Variants in PLCXD3 observed in about 807,000 individuals in gnomAD.
The protein encoded by PLCXD3 is PI-PLC X domain-containing protein 3.
Under a neutral mutation model 25.5 loss-of-function variants are expected in PLCXD3, and 19 were observed. The observed-to-expected ratio is 0.75, with a 90% CI of 0.52 to 1.09. The LOEUF (loss-of-function observed/expected upper bound fraction) is 1.09. PLCXD3 is among the 50% of genes least tolerant of loss of function. The pLI, the probability that PLCXD3 is intolerant of heterozygous loss-of-function variation, is 0.00. For synonymous variants in PLCXD3, 174 were observed against 137.6 expected (o/e 1.26, Z -1.85); for missense variants, 411 against 388.1 (o/e 1.06, Z -0.50).
In PLCXD3 at chr5:41,420,779, G is replaced by A. The variant is rs184372; in HGVS notation, c.104-38245C>T. On this transcript the variant is annotated intron_variant, in intron 1 of 2. Coordinates refer to ENST00000377801, the MANE Select transcript of PLCXD3 (RefSeq NM_001005473.3). ...AAATGGCGTTGTGTCAGCATTTTTA[G>A]TCTTTCCTCCAACCCTAACTTTGTC... is the stretch of plus-strand genomic sequence containing the variant. Among the ~76,000 whole-genome samples the A allele has an allele frequency of 2.1e-3, 327 of 152,286 alleles. 1 individual carries two copies. Among genetic ancestry groups the A allele is most frequent in the African/African-American group, 7.5e-3 (310 of 41,556 alleles).
In PLCXD3 at chr5:41,313,591, A is replaced by T. The variant is rs773728087; in HGVS notation, c.*26T>A. The stretch of plus-strand genomic sequence containing the variant: ...TAATACAATGAGCTTTCTCCATCTT[A>T]TTCATGGAAACTCCAAGTAGTGCTA... On this transcript the variant is annotated 3_prime_UTR_variant, in exon 3 of 3. Coordinates refer to ENST00000377801, the MANE Select transcript of PLCXD3 (RefSeq NM_001005473.3). The T allele has an allele frequency of 1.2e-6, 2 of 1,612,888 alleles. No individual in the cohort carries two copies. The highest frequency in any genetic ancestry group is 1.7e-6 in the Non-Finnish European group (2 of 1,179,106).
At chr5:41,479,856 A>G (rs1023148854) in intron 1 of PLCXD3, among the ~76,000 whole-genome samples, 12 of 152,204 alleles carry the variant, frequency 7.9e-5, no homozygotes, top group Non-Finnish European at 2.9e-5. Context: ...TAGGTTCATT[A>G]CATATAAGTA....
At chr5:41,313,807 A>G in intron 2 of PLCXD3, 37 bp from the exon 3 acceptor site, 1 of 1,532,676 alleles carries the variant, frequency 6.5e-7, no homozygotes, top group Non-Finnish European at 8.8e-7. Context: ...CACAGAAGGC[A>G]AGATACTATT....
intron 1 of PLCXD3, among the ~76,000 whole-genome samples, chr5:41,493,860 A>G (rs954971896): frequency 5.3e-5 from 8 of 152,136 alleles, no homozygotes; most frequent in African/African-American, 1.9e-4. Flanking sequence ...TTGACTAGGA[A>G]AGGGAACTCC....
At chr5:41,489,243 T>C (rs1175730554) in intron 1 of PLCXD3, among the ~76,000 whole-genome samples, 2 of 152,222 alleles carry the variant, frequency 1.3e-5, no homozygotes, top group African/African-American at 4.8e-5. Context: ...TAGCTGTAGA[T>C]AAGCGGCATT....
intron 2 of PLCXD3, among the ~76,000 whole-genome samples, chr5:41,375,605 A>G (rs150273727): frequency 1.3e-5 from 2 of 152,222 alleles, no homozygotes; most frequent in South Asian, 2.1e-4. Flanking sequence ...TTCTATGTCA[A>G]TGCTTCCTTA....
At chr5:41,367,320 A>G (rs1290647655) in intron 2 of PLCXD3, among the ~76,000 whole-genome samples, 1 of 152,118 alleles carries the variant, frequency 6.6e-6, no homozygotes, top group East Asian at 1.9e-4. Flanking sequence ...TGACTTTGTA[A>G]TAATCGCCAT....
At chr5:41,398,245 TG>T (rs1419759713) in intron 1 of PLCXD3, among the ~76,000 whole-genome samples, 1 of 152,186 alleles carries the variant, frequency 6.6e-6, no homozygotes, top group Non-Finnish European at 1.5e-5. Context: ...TATTAAATCA[TG>T]GGGATGGATT....
chr5:41,481,872 C>G (rs907562834), intron 1 of PLCXD3, among the ~76,000 whole-genome samples: 1 of 152,166 alleles, frequency 6.6e-6, no homozygotes, highest in African/African-American at 2.4e-5. Context: ...TTAGGTCAGG[C>G]CTTCATCTGA....
At chr5:41,326,822 G>A (rs1461320538) in intron 2 of PLCXD3, among the ~76,000 whole-genome samples, 1 of 151,766 alleles carries the variant, frequency 6.6e-6, no homozygotes, top group African/African-American at 2.4e-5. Context: ...ATATCATATT[G>A]TATTCATTAA....
At chr5:41,488,252 A>G (rs1221410629) in intron 1 of PLCXD3, among the ~76,000 whole-genome samples, 20 of 146,568 alleles carry the variant, frequency 1.4e-4, no homozygotes, top group African/African-American at 3.8e-4. Flanking sequence ...TACAAAGGAC[A>G]TGAACTCATC....
rs184723162 is a variant in PLCXD3, at chr5:41,471,775, T to C, written c.103+38649A>G. Among the ~76,000 whole-genome samples the C allele has an allele frequency of 4.9e-5, 6 of 122,892 alleles. No individual in the cohort carries two copies. In the East Asian group the frequency reaches 1.3e-3, roughly 26 times the overall value. The allele number at this position is 122,892 out of a possible 152,430, so 80.6% of individuals were successfully genotyped here. Reference sequence around the variant, plus strand: ...CAAAAATAATAACTACAACATCTTTTCAAGACCTTCCCTTCCCTTCCCTTC... The same window carrying C: ...CAAAAATAATAACTACAACATCTTTCCAAGACCTTCCCTTCCCTTCCCTTC... On this transcript the variant is annotated intron_variant, in intron 1 of 2. Transcript: ENST00000377801.
chr5:41,353,348 G>A (rs944635356), intron 2 of PLCXD3, among the ~76,000 whole-genome samples: 6 of 151,374 alleles, frequency 4.0e-5, no homozygotes, highest in Non-Finnish European at 5.9e-5. Context: ...TGATCTGCCC[G>A]CCTCGGCCTC....
At chr5:41,352,949 A>G (rs1744511871) in intron 2 of PLCXD3, among the ~76,000 whole-genome samples, 1 of 152,240 alleles carries the variant, frequency 6.6e-6, no homozygotes, top group African/African-American at 2.4e-5. Context: ...GCAAGAAAAT[A>G]TGACGACTTT....
intron 2 of PLCXD3, among the ~76,000 whole-genome samples, chr5:41,341,880 C>A (rs1744162399): frequency 6.6e-6 from 1 of 152,136 alleles, no homozygotes; most frequent in Non-Finnish European, 1.5e-5. Flanking sequence ...AAACAACTCA[C>A]CTGGATTACA....
chr5:41,336,773 G>A (rs1341384404), intron 2 of PLCXD3, among the ~76,000 whole-genome samples: 1 of 152,174 alleles, frequency 6.6e-6, no homozygotes, highest in African/African-American at 2.4e-5. Context: ...ATCCCCCACA[G>A]CTCCTGCAGT....
At chr5:41,489,420 T>G (rs987192112) in intron 1 of PLCXD3, among the ~76,000 whole-genome samples, 1 of 152,124 alleles carries the variant, frequency 6.6e-6, no homozygotes, top group African/African-American at 2.4e-5. Context: ...CGGGCTCTTT[T>G]TTGGTTCCAT....
At chr5:41,419,115 A>T (rs1746757773) in intron 1 of PLCXD3, among the ~76,000 whole-genome samples, 1 of 143,762 alleles carries the variant, frequency 7.0e-6, no homozygotes, top group Non-Finnish European at 1.6e-5. Flanking sequence ...AATTTGGCAG[A>T]GGCAGGGGGT....
chr5:41,430,155 A>G (rs1747062034), intron 1 of PLCXD3, among the ~76,000 whole-genome samples: 4 of 152,358 alleles, frequency 2.6e-5, no homozygotes, highest in Admixed American at 2.0e-4. Context: ...TAACAATAAT[A>G]GCACCTATCC....
Sources: gnomAD v4.1 joint callset for allele counts (sites outside exome capture counted in the v4.1 genomes callset) on GRCh38, gnomAD v4.1.1 for gene constraint, MANE v1.5 for transcripts, NCBI Gene and HGNC (gene_info 2026-07-23, HGNC 2026-07-21) for gene names.